ABL1: variants seen among roughly 807,000 people sequenced by gnomAD.
The protein encoded by ABL1 is tyrosine-protein kinase ABL1.
ABL1 carries 11 observed loss-of-function variants against 94.7 expected under a neutral mutation model. The ratio of observed to expected loss-of-function variants is 0.12; its 90% confidence interval spans 0.07 to 0.19. ABL1 has a LOEUF of 0.19. Among genes scored for constraint, ABL1 ranks in the 10% least tolerant of loss-of-function variants. The pLI, the probability that ABL1 is intolerant of heterozygous loss-of-function variation, is 1.00. For missense variants in ABL1, 1,082 were observed against 1,489.4 expected (o/e 0.73, Z 4.50); for synonymous variants, 656 against 622.4 (o/e 1.05, Z -0.80).
At chr9:130,825,489 G>A (rs1283121290) in intron 1 of ABL1, among the ~76,000 whole-genome samples, 2 of 152,176 alleles carry the variant, frequency 1.3e-5, no homozygotes, top group Non-Finnish European at 2.9e-5. Context: ...TCTTTTATCA[G>A]TTCCTCCTAC....
rs35902502 is a variant in ABL1 at position 130,853,704 on chromosome 9, C to T, written c.80-360C>T. On this transcript the variant is annotated intron_variant, in intron 1 of 10. Transcript: ENST00000318560. ...TGCTGGGATTACGGGCGTGAGCCAC[C>T]ATGCCCGGCTAAAGCAAGAAATTTT... 3.4e-3 allele frequency among the ~76,000 whole-genome samples: 516 copies of T among 152,322 alleles called. 15 individuals carry two copies. In the East Asian group the frequency reaches 0.08, roughly 24 times the overall value.
chr9:130,769,584 C>G (rs1293223389), intron 1 of ABL1, among the ~76,000 whole-genome samples: 8 of 151,928 alleles, frequency 5.3e-5, no homozygotes, highest in Non-Finnish European at 1.2e-4. Context: ...GGTGATCTAC[C>G]CACCTTGGCC....
intron 7 of ABL1, among the ~76,000 whole-genome samples, chr9:130,877,245 G>A (rs1831362206): frequency 6.7e-6 from 1 of 148,348 alleles, no homozygotes; most frequent in African/African-American, 2.6e-5. Flanking sequence ...ACAAGCTATT[G>A]CAGGTTCATT....
chr9:130,760,458 G>T (rs1479080097), intron 1 of ABL1, among the ~76,000 whole-genome samples: 1 of 152,134 alleles, frequency 6.6e-6, no homozygotes, highest in Non-Finnish European at 1.5e-5. Flanking sequence ...AAGTCTTACA[G>T]ATGTCAAGGG....
At position 130,872,813 on chromosome 9, in the gene ABL1, G is replaced by A. The variant is rs370126985; in HGVS notation, c.908-47G>A. ...TTTTCTTTAGACAGTTGTTTGTTCAGTTGGGAGCGGAGCCACGTGTTGAAG... is the reference window on the plus strand; with the variant it reads ...TTTTCTTTAGACAGTTGTTTGTTCAATTGGGAGCGGAGCCACGTGTTGAAG... On this transcript the variant is annotated intron_variant, in intron 5 of 10. Transcript: ENST00000318560. This position sits in a 1 kb window ranked among gnomAD's most constrained non-coding sequence, Gnocchi z 5.0. The A allele has an allele frequency of 1.3e-6, 2 of 1,570,986 alleles. No individual in the cohort carries two copies. Among genetic ancestry groups the A allele is most frequent in the Non-Finnish European group, 1.7e-6 (2 of 1,152,706 alleles).
chr9:130,884,846 C>T lies in ABL1; in HGVS notation c.2556C>T (p.Thr852=), dbSNP rs1202224826. 1.9e-6 allele frequency: 3 copies of T among 1,605,530 alleles called. No individual in the cohort carries two copies. The highest frequency in any genetic ancestry group is 2.7e-5 in the African/African-American group (2 of 74,868). The part of the protein sequence containing the change: ...LGTPAAAEPV[T]PTSKAGSGAP... ...CCCCTGCTGCAGCTGAGCCAGTGAC[C>T]CCCACCAGCAAAGCAGGCTCAGGTG... Residue 852 remains threonine (T), a synonymous_variant, in exon 11 of 11, where the codon ACC becomes ACT. Transcript: ENST00000318560. This position sits in a 1 kb window ranked among gnomAD's most constrained non-coding sequence, Gnocchi z 5.6.
At chr9:130,809,072 C>T (rs1008216227) in intron 1 of ABL1, among the ~76,000 whole-genome samples, 6 of 152,144 alleles carry the variant, frequency 3.9e-5, no homozygotes, top group Admixed American at 2.6e-4. Context: ...AATGAAAATC[C>T]AGGGCAGCTG....
At position 130,725,834 on chromosome 9, in the gene ABL1, T is replaced by TG. The variant is rs1564269486; in HGVS notation, c.136+11379_136+11380insG. On this transcript the variant is annotated intron_variant, in intron 1 of 10. Coordinates refer to the ABL1 transcript ENST00000372348. ...AACTTGTGTATGGTGGTTTTTTTTT[T>TG]TTTTTTTTTTTTTTTTTGAGACAGT... 5.8e-4 allele frequency among the ~76,000 whole-genome samples: 54 copies of TG among 92,702 alleles called. 1 individual carries two copies. The highest frequency in any genetic ancestry group is 2.8e-3 in the African/African-American group (52 of 18,290). The allele number at this position is 92,702 out of a possible 152,430, so 60.8% of individuals were successfully genotyped here. A position where few individuals can be genotyped will look rare whatever the true frequency, so the allele number is the denominator to read the frequency against.
intron 1 of ABL1, among the ~76,000 whole-genome samples, chr9:130,817,843 C>A (rs138382448): frequency 2.5e-3 from 379 of 152,288 alleles, no homozygotes; most frequent in Non-Finnish European, 3.9e-3. Context: ...CATCCATCCA[C>A]TGAAGGATAT....
At chr9:130,763,924 G>C (rs946075246) in intron 1 of ABL1, among the ~76,000 whole-genome samples, 5 of 152,120 alleles carry the variant, frequency 3.3e-5, no homozygotes, top group African/African-American at 9.7e-5. Flanking sequence ...ATAATGGCAC[G>C]TGTACCGCTA....
At chr9:130,758,724 C>A (rs1376755666) in intron 1 of ABL1, among the ~76,000 whole-genome samples, 1 of 152,210 alleles carries the variant, frequency 6.6e-6, no homozygotes, top group African/African-American at 2.4e-5. Flanking sequence ...TGAGCCACCG[C>A]ATCCGGCCCC....
intron 1 of ABL1, among the ~76,000 whole-genome samples, chr9:130,754,424 C>G (rs1260415244): frequency 7.0e-6 from 1 of 143,868 alleles, no homozygotes; most frequent in Non-Finnish European, 1.5e-5. Context: ...AGGAGAATGG[C>G]GTGAACCTGG....
At chr9:130,878,632 G>A in intron 8 of ABL1, 65 bp downstream of exon 8, 1 of 1,570,838 alleles carries the variant, frequency 6.4e-7, no homozygotes, top group South Asian at 1.1e-5. Flanking sequence ...AACTGTGCAG[G>A]AGTGTGTACA....
chr9:130,715,902 A>G lies in ABL1; in HGVS notation c.136+1447A>G, dbSNP rs367833348. ...TCTCTTTTGCTGTGTTGACGTTTGC[A>G]GTAATGGTACAAAAGTAAAGCAGGT... On this transcript the variant is annotated intron_variant, in intron 1 of 10. Transcript: ENST00000372348. Among the ~76,000 whole-genome samples, 399 of 152,204 alleles carry G rather than the reference A, an allele frequency of 2.6e-3. 1 individual carries two copies. The highest frequency in any genetic ancestry group is 9.2e-3 in the African/African-American group (380 of 41,530).
chr9:130,748,707 C>G (rs1831918782), intron 1 of ABL1, among the ~76,000 whole-genome samples: 1 of 152,128 alleles, frequency 6.6e-6, no homozygotes, highest in African/African-American at 2.4e-5. Flanking sequence ...TCCCAAGTAG[C>G]TGGGATTACA....
At chr9:130,800,665 T>G (rs4740204) in intron 1 of ABL1, among the ~76,000 whole-genome samples, 34,808 of 152,090 alleles carry the variant, frequency 0.23, 4,979 homozygotes, top group African/African-American at 0.41. Context: ...ACTTTTGTAT[T>G]TGATTTCTTT....
chr9:130,740,498 A>C (rs1243129849), intron 1 of ABL1, among the ~76,000 whole-genome samples: 1 of 152,254 alleles, frequency 6.6e-6, no homozygotes, highest in Non-Finnish European at 1.5e-5. Context: ...GGTCTCAGCC[A>C]GCTCTTGGCT....
intron 10 of ABL1, among the ~76,000 whole-genome samples, chr9:130,881,501 G>A (rs34380351): frequency 6.6e-6 from 1 of 152,214 alleles, no homozygotes; most frequent in Non-Finnish European, 1.5e-5. Flanking sequence ...AGGCAAGAGA[G>A]CTTGTGCAGG....
intron 1 of ABL1, among the ~76,000 whole-genome samples, chr9:130,842,247 C>G (rs35976641): frequency 1.3e-5 from 2 of 152,172 alleles, no homozygotes; most frequent in Non-Finnish European, 2.9e-5. Context: ...GTTTCCATTT[C>G]CTGCCCTCAA....
Sources: allele counts gnomAD v4.1 joint callset (sites outside exome capture counted in the v4.1 genomes callset), GRCh38; gene constraint gnomAD v4.1.1; non-coding constraint Gnocchi (gnomAD v3.1); transcripts MANE v1.5; gene names NCBI Gene and HGNC (gene_info 2026-07-23, HGNC 2026-07-21).